The following RAD51B variants were observed in gnomAD, a reference collection of about 807,000 sequenced individuals.
RAD51B encodes DNA repair protein RAD51 homolog 2.
RAD51B carries 38 observed loss-of-function variants against 42.2 expected under a neutral mutation model. The ratio of observed to expected loss-of-function variants is 0.90; its 90% CI spans 0.70 to 1.18. The LOEUF is 1.18. RAD51B is among the 50% of genes most tolerant of loss of function. The pLI is 0.00. For synonymous variants in RAD51B, 154 were observed against 145.2 expected (o/e 1.06, Z -0.43); for missense variants, 373 against 400.7 (o/e 0.93, Z 0.59).
intron 7 of RAD51B, among the ~76,000 whole-genome samples, chr14:68,290,006 T>C (rs2081485019): frequency 6.6e-6 from 1 of 152,204 alleles, no homozygotes; most frequent in African/African-American, 2.4e-5. Context: ...AGTAATTCAT[T>C]TCTTTACCTG....
At chr14:68,613,800 A>G (rs984419337), downstream of RAD51B, among the ~76,000 whole-genome samples, 4 of 152,132 alleles carry the variant, frequency 2.6e-5, no homozygotes, top group African/African-American at 9.7e-5. Flanking sequence ...TATTCTTGGG[A>G]GGGCGAGTGG....
chr14:68,431,411 T>G (rs1397260182), intron 9 of RAD51B, among the ~76,000 whole-genome samples: 1 of 152,254 alleles, frequency 6.6e-6, no homozygotes, highest in East Asian at 1.9e-4. Flanking sequence ...GGCTATTAAT[T>G]GTTGCCTCAA....
At chr14:68,628,423 C>G (rs892046030) in intron 10 of RAD51B, 3 of 152,296 alleles carry the variant, frequency 2.0e-5, no homozygotes, top group African/African-American at 7.2e-5. Context: ...TGGCCCAGCA[C>G]AGTGCTTGGG....
At chr14:68,484,515 G>A (rs756729869) in intron 10 of RAD51B, among the ~76,000 whole-genome samples, 2 of 151,744 alleles carry the variant, frequency 1.3e-5, no homozygotes, top group African/African-American at 2.4e-5. Flanking sequence ...CCACCACCAC[G>A]CCCGGCTAAT....
intron 7 of RAD51B, among the ~76,000 whole-genome samples, chr14:68,097,645 G>A (rs2077218186): frequency 6.6e-6 from 1 of 152,186 alleles, no homozygotes; most frequent in Middle Eastern, 3.2e-3. Context: ...TCATTGAAGA[G>A]ATGAAGAAAT....
intron 7 of RAD51B, among the ~76,000 whole-genome samples, chr14:68,152,789 G>T (rs2078418361): frequency 6.7e-6 from 1 of 148,650 alleles, no homozygotes; most frequent in African/African-American, 2.5e-5. Flanking sequence ...AGTGTCTGTT[G>T]TTCTCCTCTT....
At chr14:68,415,660 G>T (rs1166557889) in intron 9 of RAD51B, among the ~76,000 whole-genome samples, 1 of 152,206 alleles carries the variant, frequency 6.6e-6, no homozygotes, top group Non-Finnish European at 1.5e-5. Flanking sequence ...AGGCAGAGAG[G>T]AGTGGCCGAG....
At position 68,604,362 on chromosome 14, in the gene RAD51B, T is replaced by C. The variant is rs190407819; in HGVS notation, c.1037-6644T>C. 1.3e-3 allele frequency among the ~76,000 whole-genome samples: 156 copies of C among 120,510 alleles called. 3 individuals are homozygous for C. The East Asian group carries it at 0.039, about 30-fold the overall frequency. The allele number at this position is 120,510 out of a possible 152,430, so 79.1% of individuals were successfully genotyped here. On this transcript the variant is annotated intron_variant, in intron 10 of 10. Coordinates refer to the RAD51B transcript ENST00000487861. ...GTGATATTTGACAAGTGCAAAGGGC[T>C]GGAAATATTCTAGAGATTTTTCAGC...
chr14:68,586,459 T>C (rs1364136409), intron 10 of RAD51B, among the ~76,000 whole-genome samples: 1 of 152,216 alleles, frequency 6.6e-6, no homozygotes, highest in Non-Finnish European at 1.5e-5. Flanking sequence ...TGTGTTTCTC[T>C]GGTTTTAACA....
chr14:67,877,896 C>T (rs2042779334), intron 5 of RAD51B, among the ~76,000 whole-genome samples: 1 of 152,160 alleles, frequency 6.6e-6, no homozygotes, highest in Admixed American at 6.5e-5. Context: ...AACTCCTGGG[C>T]TCAAGCAGCC....
chr14:68,173,393 T>C (rs578132276), intron 7 of RAD51B, among the ~76,000 whole-genome samples: 32 of 152,356 alleles, frequency 2.1e-4, no homozygotes, highest in African/African-American at 7.7e-4. Context: ...ACTCTGGCCT[T>C]AGAATCCAAG....
intron 9 of RAD51B, chr14:68,421,703 C>A (rs554462341): frequency 9.5e-6 from 15 of 1,582,666 alleles, no homozygotes; most frequent in Non-Finnish European, 1.3e-5. Flanking sequence ...CAAACTTATT[C>A]GAGTTGTCCA....
intron 7 of RAD51B, among the ~76,000 whole-genome samples, chr14:68,242,424 G>A (rs2080408978): frequency 6.6e-6 from 1 of 152,138 alleles, no homozygotes. Context: ...ACCCCCTGAA[G>A]GTAGAAAGTC....
chr14:68,516,866 CTG>C (rs1332695720), intron 10 of RAD51B, among the ~76,000 whole-genome samples: 1 of 152,200 alleles, frequency 6.6e-6, no homozygotes, highest in African/African-American at 2.4e-5. Context: ...TCAAAAACCT[CTG>C]TAAGTGTTGG....
intron 8 of RAD51B, among the ~76,000 whole-genome samples, chr14:68,358,785 G>C (rs1366322154): frequency 6.6e-6 from 1 of 152,088 alleles, no homozygotes; most frequent in Non-Finnish European, 1.5e-5. Flanking sequence ...TGATATAAAA[G>C]CCTATATCAC....
chr14:68,071,160 C>G (rs1268389154), intron 7 of RAD51B, among the ~76,000 whole-genome samples: 2 of 151,808 alleles, frequency 1.3e-5, no homozygotes, highest in African/African-American at 2.4e-5. Flanking sequence ...GATCTAGGAG[C>G]CTTTGGGCAG....
chr14:68,286,216 C>T (rs1005014160), intron 7 of RAD51B, among the ~76,000 whole-genome samples: 7 of 152,200 alleles, frequency 4.6e-5, no homozygotes, highest in African/African-American at 1.7e-4. Context: ...GGGAAGCCTG[C>T]ATGCCCTTAT....
chr14:68,234,152 T>G (rs963629497), intron 7 of RAD51B, among the ~76,000 whole-genome samples: 2 of 152,158 alleles, frequency 1.3e-5, no homozygotes, highest in Non-Finnish European at 2.9e-5. Context: ...TGTGACTGGT[T>G]GGATACAGGG....
chr14:67,992,906 C>G (rs931606780), intron 7 of RAD51B, among the ~76,000 whole-genome samples: 1 of 152,044 alleles, frequency 6.6e-6, no homozygotes. Flanking sequence ...TTTGTTCACT[C>G]ATTTGTTTTT....
Sources: gnomAD v4.1 joint callset for allele counts (sites outside exome capture counted in the v4.1 genomes callset) on GRCh38, gnomAD v4.1.1 for gene constraint, MANE v1.5 for transcripts, NCBI Gene and HGNC (gene_info 2026-07-23, HGNC 2026-07-21) for gene names.